Variants in COL6A3 observed in about 807,000 individuals in gnomAD.
COL6A3 encodes the protein collagen type VI alpha 3 chain, also known as collagen alpha-3(VI) chain.
In COL6A3, 137 loss-of-function variants were observed where a neutral mutation model predicts 274.1. The observed-to-expected ratio is 0.50, with a 90% CI of 0.44 to 0.58. COL6A3 has a LOEUF of 0.58. Among genes scored for constraint, COL6A3 ranks in the 20% least tolerant of loss-of-function variants. The pLI, the probability that COL6A3 is intolerant of heterozygous loss-of-function variation, is 0.00. For missense variants in COL6A3, 3,950 were observed against 4,124.9 expected, an observed-to-expected ratio of 0.96 and a Z score of 1.16; for synonymous variants, 1,650 against 1,650.6, an observed-to-expected ratio of 1.00 and a Z score of 0.01.
intron 3 of COL6A3, among the ~76,000 whole-genome samples, chr2:237,391,805 G>A (rs568989871): frequency 1.6e-4 from 25 of 152,316 alleles, no homozygotes; most frequent in Admixed American, 1.5e-3. Context: ...GATTATAGGC[G>A]TGAGCCCCTT....
chr2:237,369,019 T>G lies in COL6A3; in HGVS notation c.4444A>C (p.Asn1482His). Residue 1482 changes from asparagine (N) to histidine (H), a missense_variant, in exon 10 of 44, where the codon AAT becomes CAT. Asn to His is a moderately conservative substitution (Grantham distance 68). This residue lies in a region of COL6A3 where 1,934 missense variants were observed against 1,984.3 expected (regional missense o/e 0.97). Transcript: ENST00000295550. ...KVRVGVVQFS[N>H]DVFPEFYLKT... ...AGATAGAATTCTGGGAAGACATCAT[T>G]GCTGAACTGCACGACCCCAACTCTC... 2 of 1,614,214 alleles carry G rather than the reference T, an allele frequency of 1.2e-6. No homozygotes were observed. The highest frequency in any genetic ancestry group is 1.3e-5 in the African/African-American group (1 of 75,052).
At chr2:237,391,998 T>G (rs917875205) in intron 3 of COL6A3, among the ~76,000 whole-genome samples, 1 of 152,116 alleles carries the variant, frequency 6.6e-6, no homozygotes, top group Admixed American at 6.5e-5. Flanking sequence ...GCTTTTCCTG[T>G]CATTTGGCAG....
In COL6A3 at chr2:237,357,402, G is replaced by A; in HGVS notation, c.6538-11C>T. 6.2e-7 allele frequency: 1 copy of A among 1,611,040 alleles called. No homozygotes were observed. Among genetic ancestry groups the A allele is most frequent in the Non-Finnish European group, 8.5e-7 (1 of 1,177,176 alleles). ...TCTCCCTGGGACACCCTGGTGTGGG[G>A]AAAATTAGCATGAGATTCTCATCTG... On this transcript the variant is annotated splice_polypyrimidine_tract_variant and intron_variant, in intron 22 of 43. Transcript: ENST00000295550.
intron 1 of COL6A3, among the ~76,000 whole-genome samples, chr2:237,398,566 G>T (rs2078510193): frequency 6.6e-6 from 1 of 152,150 alleles, no homozygotes; most frequent in Admixed American, 6.5e-5. Flanking sequence ...TCTCCTTAAT[G>T]CAGGATTCTG....
chr2:237,348,608 C>A lies in COL6A3; in HGVS notation c.6930+5G>T. On this transcript the variant is annotated splice_donor_5th_base_variant and intron_variant, in intron 29 of 43. Transcript: ENST00000295550. The stretch of plus-strand genomic sequence containing the variant: ...ACGCTTGGATAATCCTCAGCAGATA[C>A]GTACTTTTTTGCCTCTGCGTCCTTC... 6.2e-7 allele frequency: 1 copy of A among 1,613,810 alleles called. No homozygotes were observed. Among genetic ancestry groups the A allele is most frequent in the Non-Finnish European group, 8.5e-7 (1 of 1,179,732 alleles).
intron 1 of COL6A3, among the ~76,000 whole-genome samples, chr2:237,402,213 C>A (rs2078608664): frequency 6.6e-6 from 1 of 152,038 alleles, no homozygotes; most frequent in Non-Finnish European, 1.5e-5. Context: ...TGGTGTTGGC[C>A]ATGGGCTGTC....
At position 237,360,167 on chromosome 2, in the gene COL6A3, GA is replaced by G. The variant is rs1280994015; in HGVS notation, c.6211-9del. On this transcript the variant is annotated splice_polypyrimidine_tract_variant and intron_variant, in intron 16 of 43. Transcript: ENST00000295550. ...AGGCGGACCACGCTCACCCTGTTGT[GA>G]GAGACAAAGGCATTTTGCAAGCTGG... 5 of 1,613,966 alleles carry G rather than the reference GA, an allele frequency of 3.1e-6. No individual in the cohort carries two copies. Among genetic ancestry groups the G allele is most frequent in the Non-Finnish European group, 3.4e-6 (4 of 1,180,002 alleles).
chr2:237,404,282 T>C (rs999803989), intron 1 of COL6A3, among the ~76,000 whole-genome samples: 2 of 151,964 alleles, frequency 1.3e-5, no homozygotes, highest in African/African-American at 4.8e-5. Flanking sequence ...TGGATGAGGG[T>C]TTTTCTGGAG....
intron 38 of COL6A3, among the ~76,000 whole-genome samples, chr2:237,339,535 T>G (rs1039363810): frequency 3.3e-5 from 5 of 152,252 alleles, no homozygotes; most frequent in Non-Finnish European, 4.4e-5. Context: ...AACAGTGACC[T>G]GTGGGTGAAC....
At chr2:237,360,347 A>G (rs1333547137) in intron 16 of COL6A3, among the ~76,000 whole-genome samples, 188 bp from the exon 17 acceptor site, 1 of 152,126 alleles carries the variant, frequency 6.6e-6, no homozygotes, top group African/African-American at 2.4e-5. Context: ...CCTGGCCTGG[A>G]ACCTGCAGTT....
In COL6A3 at chr2:237,374,753, T is replaced by G; in HGVS notation, c.3338A>C (p.Glu1113Ala). 6.2e-7 allele frequency: 1 copy of G among 1,613,854 alleles called. No homozygotes were observed. Among genetic ancestry groups the G allele is most frequent in the Non-Finnish European group, 8.5e-7 (1 of 1,179,902 alleles). The change falls in exon 8 of 44, where the codon GAG becomes GCG. Residue 1113 changes from glutamate (E) to alanine (A), a missense_variant. Around this residue, in one of 5 missense-constraint regions of COL6A3, gnomAD observed 1,934 missense variants for 1,984.3 expected, o/e 0.97. Coordinates refer to ENST00000295550, the MANE Select transcript of COL6A3 (RefSeq NM_004369.4). This position sits in a 1 kb window ranked among gnomAD's most constrained non-coding sequence, Gnocchi z 4.8. ...GACCAGGATGTTCCTCAGGACAAACTCCAGGGCGGCCCCGGTGTTGGGGGT... is the reference window on the plus strand; with the variant it reads ...GACCAGGATGTTCCTCAGGACAAACGCCAGGGCGGCCCCGGTGTTGGGGGT... ...GPTPNTGAAL[E>A]FVLRNILVSS... is the part of the protein sequence containing the mutation.
chr2:237,350,078 C>G (rs1156429522), intron 28 of COL6A3, 69 bp downstream of exon 28: 2 of 1,437,628 alleles, frequency 1.4e-6, no homozygotes, highest in Non-Finnish European at 2.0e-6. Flanking sequence ...TTGGAACCCT[C>G]TCCTGGCTTC....
rs115315694 is a variant in COL6A3, at chr2:237,386,036, T to C, written c.1312+1546A>G. Among the ~76,000 whole-genome samples, 534 of 152,348 alleles carry C rather than the reference T, an allele frequency of 3.5e-3. 6 individuals carry two copies. The highest frequency in any genetic ancestry group is 0.013 in the African/African-American group (521 of 41,590). On this transcript the variant is annotated intron_variant, in intron 4 of 43. Transcript: ENST00000295550. The stretch of plus-strand genomic sequence containing the variant: ...ACTCACATATACTTTTCTTGCTACA[T>C]CACCTGGTCACAGTTCCAATGCACA...
intron 3 of COL6A3, among the ~76,000 whole-genome samples, chr2:237,391,385 T>C (rs2078282065): frequency 6.6e-6 from 1 of 152,222 alleles, no homozygotes; most frequent in Non-Finnish European, 1.5e-5. Flanking sequence ...GCATTCACTA[T>C]GGTAATCTCA....
Position 237,340,558 on chromosome 2 carries a change from G to A in COL6A3, c.8358C>T (p.Phe2786=), listed in dbSNP as rs113423040. The change falls in exon 38 of 44, where the codon TTC becomes TTT. Residue 2786 remains phenylalanine, a synonymous_variant. Coordinates refer to ENST00000295550, the MANE Select transcript of COL6A3 (RefSeq NM_004369.4). The stretch of plus-strand genomic sequence containing the variant: ...AGAAGACGTCGTTTGGCTCACTGGC[G>A]AAGGTGTATACCTCCTTGATGTTCA... The part of the protein sequence containing the change: ...RKVNIKEVYT[F]ASEPNDVFFK... 61 of 1,614,054 alleles carry A rather than the reference G, an allele frequency of 3.8e-5. No individual in the cohort carries two copies. The Middle Eastern group carries it at 9.9e-4, about 26-fold the overall frequency.
intron 1 of COL6A3, among the ~76,000 whole-genome samples, chr2:237,399,054 A>C (rs2078523884): frequency 6.6e-6 from 1 of 152,244 alleles, no homozygotes; most frequent in Admixed American, 6.5e-5. Context: ...GCCAAGGTGC[A>C]CAACTATTCA....
At chr2:237,408,355 C>T (rs771401236) in intron 1 of COL6A3, among the ~76,000 whole-genome samples, 9 of 152,214 alleles carry the variant, frequency 5.9e-5, no homozygotes, top group Non-Finnish European at 1.2e-4. Flanking sequence ...TGCTCTCTTC[C>T]ATCTGTTGCC....
chr2:237,388,341 A>G (rs2078206155), intron 3 of COL6A3, among the ~76,000 whole-genome samples, 157 bp from the exon 4 acceptor site: 1 of 152,236 alleles, frequency 6.6e-6, no homozygotes, highest in African/African-American at 2.4e-5. Flanking sequence ...ATTCTCTTTC[A>G]GTTCTGCATT....
chr2:237,371,903 T>C lies in COL6A3; in HGVS notation c.4114A>G (p.Asn1372Asp). 6.2e-7 allele frequency: 1 copy of C among 1,613,882 alleles called. No individual in the cohort carries two copies. The highest frequency in any genetic ancestry group is 8.5e-7 in the Non-Finnish European group (1 of 1,180,024). Reference sequence around the variant, plus strand: ...TTCACCAGCTCCTCCTGGTCTGCGTTCCTGGCGATCGTGAAAGGGGCCACG... The same window carrying C: ...TTCACCAGCTCCTCCTGGTCTGCGTCCCTGGCGATCGTGAAAGGGGCCACG... ...FGVAPFTIAR[N>D]ADQEELVKIS... The change falls in exon 9 of 44, where the codon AAC becomes GAC. Residue 1372 changes from asparagine to aspartate, a missense_variant. Transcript: ENST00000295550. The surrounding 1 kb of genome is among the most constrained non-coding windows in gnomAD (Gnocchi z 4.3).
Sources: allele counts gnomAD v4.1 joint callset (sites outside exome capture counted in the v4.1 genomes callset), GRCh38; gene constraint gnomAD v4.1.1; regional missense constraint gnomAD v4.1.1; non-coding constraint Gnocchi (gnomAD v3.1); transcripts MANE v1.5; gene names NCBI Gene and HGNC (gene_info 2026-07-23, HGNC 2026-07-21).